TENM3: variants seen among roughly 807,000 people sequenced by gnomAD.
The protein encoded by TENM3 is teneurin-3.
In TENM3, 63 loss-of-function variants were observed where a neutral mutation model predicts 255.1. That is an observed-to-expected ratio of 0.25 (90% confidence interval 0.20 to 0.30). The LOEUF is 0.30. Among genes scored for constraint, TENM3 ranks in the 10% least tolerant of loss-of-function variants. The pLI is 1.00. For missense variants in TENM3, 2,929 were observed against 3,461.1 expected, an observed-to-expected ratio of 0.85 and a Z score of 3.86; for synonymous variants, 1,306 against 1,322.3, an observed-to-expected ratio of 0.99 and a Z score of 0.27.
chr4:182,102,172 G>A, the TENM3 span, among the ~76,000 whole-genome samples: 7 of 152,280 alleles, frequency 4.6e-5, no homozygotes, highest in East Asian at 1.9e-4. Context: ...TAAGGGAATC[G>A]CTAGGGGGTG....
chr4:182,335,031 T>C (rs1764010013), intron 2 of TENM3, among the ~76,000 whole-genome samples: 1 of 152,086 alleles, frequency 6.6e-6, no homozygotes, highest in Non-Finnish European at 1.5e-5. Flanking sequence ...CCGGTAGCTT[T>C]TGTCCCCTTG....
At chr4:181,657,782 G>A in the TENM3 span, among the ~76,000 whole-genome samples, 848 of 142,900 alleles carry the variant, frequency 5.9e-3, 2 homozygotes, top group Middle Eastern at 0.01. Flanking sequence ...TAATCATCAT[G>A]GAATACTATG....
chr4:181,657,390 A>G, the TENM3 span, among the ~76,000 whole-genome samples: 24 of 152,348 alleles, frequency 1.6e-4, no homozygotes, highest in East Asian at 3.7e-3. Flanking sequence ...AAGAAGACAT[A>G]CAAGTGGCCA....
chr4:182,202,564 C>G (rs1301770810), intron 1 of TENM3, among the ~76,000 whole-genome samples: 2 of 152,090 alleles, frequency 1.3e-5, no homozygotes, highest in Non-Finnish European at 2.9e-5. Context: ...CTCGGCCTCC[C>G]AAAGTGCTGG....
the TENM3 span, among the ~76,000 whole-genome samples, chr4:181,448,203 G>A: frequency 1.7e-5 from 2 of 119,914 alleles, no homozygotes; most frequent in South Asian, 5.4e-4. Flanking sequence ...GTCTCGCTCT[G>A]TCGCCCAGGC....
chr4:182,732,722 G>T (rs1447799279), intron 16 of TENM3, among the ~76,000 whole-genome samples: 1 of 152,138 alleles, frequency 6.6e-6, no homozygotes, highest in Admixed American at 6.5e-5. Flanking sequence ...AGCTACTCAG[G>T]ATGCAGAGGT....
At chr4:181,697,381 T>TG in the TENM3 span, among the ~76,000 whole-genome samples, 1 of 152,116 alleles carries the variant, frequency 6.6e-6, no homozygotes, top group Non-Finnish European at 1.5e-5. Context: ...GTGGGTTTTT[T>TG]TGTGTGTTTG....
rs188940655 is a variant in TENM3, at chr4:182,514,846, G to A, written c.512-86078G>A. Among the ~76,000 whole-genome samples the A allele has an allele frequency of 2.6e-3, 398 of 152,110 alleles. 3 individuals are homozygous for A. The highest frequency in any genetic ancestry group is 4.1e-3 in the Non-Finnish European group (279 of 67,976). On this transcript the variant is annotated intron_variant, in intron 3 of 27. Coordinates refer to ENST00000511685, the MANE Select transcript of TENM3 (RefSeq NM_001080477.4). Reference sequence around the variant, plus strand: ...TTCTAGGGGCTGAGATGCAGATCAAGAAAATTGCCCAGATTATTGCTCCAT... The same window carrying A: ...TTCTAGGGGCTGAGATGCAGATCAAAAAAATTGCCCAGATTATTGCTCCAT...
the TENM3 span, among the ~76,000 whole-genome samples, chr4:182,075,747 C>T: frequency 0.34 from 51,001 of 152,018 alleles, 8,914 homozygotes; most frequent in African/African-American, 0.43. Flanking sequence ...TCAAATGTTT[C>T]AGCCCTGCAC....
chr4:182,582,214 G>C (rs184493076), intron 3 of TENM3, among the ~76,000 whole-genome samples: 1 of 152,008 alleles, frequency 6.6e-6, no homozygotes, highest in African/African-American at 2.4e-5. Context: ...GAATTTCTAC[G>C]GTACTGCCTT....
At chr4:182,671,468 C>CTT (rs1755207488) in intron 6 of TENM3, among the ~76,000 whole-genome samples, 1 of 152,298 alleles carries the variant, frequency 6.6e-6, no homozygotes, top group African/African-American at 2.4e-5. Flanking sequence ...CCAAACTTAA[C>CTT]TCCTGTGAAA....
At chr4:182,671,623 C>T (rs1440462736) in intron 6 of TENM3, among the ~76,000 whole-genome samples, 1 of 152,152 alleles carries the variant, frequency 6.6e-6, no homozygotes, top group African/African-American at 2.4e-5. Context: ...CTATGGAAGT[C>T]TAGATAATCT....
At chr4:181,847,468 C>T in the TENM3 span, among the ~76,000 whole-genome samples, 1 of 152,052 alleles carries the variant, frequency 6.6e-6, no homozygotes, top group Non-Finnish European at 1.5e-5. Flanking sequence ...TTCTATGACC[C>T]ATATGTTTTC....
chr4:181,724,946 G>A, the TENM3 span, among the ~76,000 whole-genome samples: 2 of 152,170 alleles, frequency 1.3e-5, no homozygotes, highest in East Asian at 3.9e-4. Flanking sequence ...GAAGGAAAGA[G>A]GTGTTCTCAG....
the TENM3 span, among the ~76,000 whole-genome samples, chr4:181,896,916 C>T: frequency 6.6e-6 from 1 of 152,168 alleles, no homozygotes; most frequent in African/African-American, 2.4e-5. Context: ...TCAATTTAAA[C>T]CCCAAGATAT....
chr4:181,901,706 T>G, the TENM3 span, among the ~76,000 whole-genome samples: 1 of 152,140 alleles, frequency 6.6e-6, no homozygotes, highest in Non-Finnish European at 1.5e-5. Flanking sequence ...CCCGCTAAAT[T>G]TAAAATCACA....
At chr4:182,591,710 G>GA (rs765051683) in intron 3 of TENM3, among the ~76,000 whole-genome samples, 27 of 152,182 alleles carry the variant, frequency 1.8e-4, no homozygotes, top group Non-Finnish European at 3.8e-4. Flanking sequence ...GAGAATTCTA[G>GA]AAAAAATAAT....
the TENM3 span, among the ~76,000 whole-genome samples, chr4:181,600,791 T>C: frequency 1.3e-5 from 2 of 151,630 alleles, no homozygotes; most frequent in South Asian, 4.2e-4. Flanking sequence ...CCTGTCATTC[T>C]CATTAGCACC....
At chr4:182,215,983 C>T (rs531551815) in intron 1 of TENM3, among the ~76,000 whole-genome samples, 7 of 152,314 alleles carry the variant, frequency 4.6e-5, no homozygotes, top group African/African-American at 1.2e-4. Context: ...ACACTACCCC[C>T]TCTCCCAGCA....
Sources: gnomAD v4.1 joint callset for allele counts (sites outside exome capture counted in the v4.1 genomes callset) on GRCh38, gnomAD v4.1.1 for gene constraint, MANE v1.5 for transcripts, NCBI Gene and HGNC (gene_info 2026-07-23, HGNC 2026-07-21) for gene names.